Variants in DNAH7 observed in about 807,000 individuals in gnomAD.
DNAH7 encodes dynein axonemal heavy chain 7.
In DNAH7, 397 loss-of-function variants were observed where a neutral mutation model predicts 444.6. The observed-to-expected ratio is 0.89, with a 90% CI of 0.82 to 0.97. DNAH7 has a LOEUF of 0.97. Among genes scored for constraint, DNAH7 ranks in the 50% least tolerant of loss-of-function variants. The pLI is 0.00. For synonymous variants in DNAH7, 1,636 were observed against 1,624.4 expected (o/e 1.01, Z -0.17); for missense variants, 4,902 against 4,800.8 (o/e 1.02, Z -0.62).
chr2:196,016,199 C>G (rs1046655530), intron 9 of DNAH7, among the ~76,000 whole-genome samples: 2 of 152,052 alleles, frequency 1.3e-5, no homozygotes, highest in Non-Finnish European at 2.9e-5. Flanking sequence ...GAGTCCCATC[C>G]TTCAGTGTCC....
At chr2:195,852,376 T>C (rs1219629148) in intron 46 of DNAH7, among the ~76,000 whole-genome samples, 1 of 151,998 alleles carries the variant, frequency 6.6e-6, no homozygotes, top group Non-Finnish European at 1.5e-5. Context: ...CAATGCTCAG[T>C]GAAATTATAA....
intron 12 of DNAH7, chr2:195,994,854 G>T: frequency 4.7e-6 from 2 of 425,206 alleles, no homozygotes; most frequent in South Asian, 4.2e-5. Flanking sequence ...GACTGAGCTT[G>T]GTTGCTTCTT....
At chr2:195,808,983 T>G in intron 52 of DNAH7, 107 bp from the exon 53 acceptor site, 1 of 931,878 alleles carries the variant, frequency 1.1e-6, no homozygotes, top group African/African-American at 1.7e-5. Flanking sequence ...GTTTCAGATG[T>G]GGTCTCTATG....
Position 195,771,362 on chromosome 2 carries a change from GA to G in DNAH7, c.11433+297del, listed in dbSNP as rs563210600. 2.3e-4 allele frequency among the ~76,000 whole-genome samples: 35 copies of G among 151,586 alleles called. No homozygotes were observed. The South Asian group carries it at 6.9e-3, about 30-fold the overall frequency. ...CTCTAAAAAAATAATAATAATAAAT[GA>G]AAAAATGTGCTTTATGAAGGCAAGG... On this transcript the variant is annotated intron_variant, in intron 61 of 64. Transcript: ENST00000312428.
intron 46 of DNAH7, among the ~76,000 whole-genome samples, chr2:195,847,078 C>A (rs974211961): frequency 2.2e-5 from 3 of 135,180 alleles, no homozygotes; most frequent in Admixed American, 7.3e-5. Context: ...ATATATATAT[C>A]TGATATATAT....
intron 19 of DNAH7, among the ~76,000 whole-genome samples, chr2:195,945,146 C>T (rs1689715458): frequency 1.3e-5 from 2 of 152,026 alleles, no homozygotes; most frequent in African/African-American, 4.8e-5. Flanking sequence ...AAGTTCAGTG[C>T]AGAACCCTTC....
At chr2:195,792,822 GGA>G (rs768594954) in intron 57 of DNAH7, among the ~76,000 whole-genome samples, 4 of 150,852 alleles carry the variant, frequency 2.7e-5, no homozygotes, top group East Asian at 3.9e-4. Flanking sequence ...AGGGGAAGGG[GGA>G]GAGAGAGAGA....
chr2:195,746,407 T>C (rs1337497872), intron 63 of DNAH7, among the ~76,000 whole-genome samples: 1 of 152,184 alleles, frequency 6.6e-6, no homozygotes, highest in Non-Finnish European at 1.5e-5. Flanking sequence ...TGAGAGACTT[T>C]AACACCCCAT....
intron 10 of DNAH7, among the ~76,000 whole-genome samples, chr2:196,003,499 C>T (rs1191513470): frequency 2.0e-5 from 3 of 152,040 alleles, no homozygotes; most frequent in Admixed American, 2.0e-4. Flanking sequence ...TCTCAAAGTG[C>T]TTAATAGATC....
chr2:195,884,824 TGA>T lies in DNAH7; in HGVS notation c.5539-17_5539-16del, dbSNP rs1373591029. On this transcript the variant is annotated splice_polypyrimidine_tract_variant and intron_variant, in intron 34 of 64. Transcript: ENST00000312428. ...AGAAAAATGCCCTGCATTGGACAGA[TGA>T]GAAGATTAAGAACAATTAAAGAATA... 2 of 1,590,106 alleles carry T rather than the reference TGA, an allele frequency of 1.3e-6. No homozygotes were observed. The highest frequency in any genetic ancestry group is 2.7e-5 in the African/African-American group (2 of 74,032).
At chr2:196,060,730 T>C (rs776291654) in intron 1 of DNAH7, among the ~76,000 whole-genome samples, 2 of 152,218 alleles carry the variant, frequency 1.3e-5, no homozygotes, top group Non-Finnish European at 2.9e-5. Flanking sequence ...ATTCCTTGCA[T>C]ACCACTCTCA....
intron 1 of DNAH7, among the ~76,000 whole-genome samples, chr2:196,062,295 C>T (rs1052059559): frequency 6.6e-5 from 10 of 152,154 alleles, no homozygotes; most frequent in Non-Finnish European, 1.2e-4. Context: ...ATAGTCACAA[C>T]TACACCCTAT....
At chr2:195,803,952 T>A (rs765289130) in intron 54 of DNAH7, among the ~76,000 whole-genome samples, 1 of 152,198 alleles carries the variant, frequency 6.6e-6, no homozygotes, top group Non-Finnish European at 1.5e-5. Flanking sequence ...TTTTTTCTAC[T>A]GGTGATTTAG....
intron 57 of DNAH7, among the ~76,000 whole-genome samples, chr2:195,792,394 T>TACACAC (rs59046004): frequency 0.088 from 10,260 of 117,104 alleles, 482 homozygotes; most frequent in Admixed American, 0.13. Context: ...AACCAAAAAA[T>TACACAC]ACACACACAC....
At chr2:195,837,325 C>T (rs570180915) in intron 47 of DNAH7, among the ~76,000 whole-genome samples, 119 of 152,320 alleles carry the variant, frequency 7.8e-4, no homozygotes, top group African/African-American at 2.8e-3. Context: ...GAGGAAAGGA[C>T]TTCTGATTCT....
At chr2:196,044,031 C>T (rs546220192) in intron 5 of DNAH7, among the ~76,000 whole-genome samples, 17 of 152,014 alleles carry the variant, frequency 1.1e-4, no homozygotes, top group East Asian at 1.9e-4. Flanking sequence ...AACTATCATT[C>T]GATGAAGCAA....
rs554816228 is a variant in DNAH7, at chr2:195,873,539, TA to T, written c.6413+28del. The T allele has an allele frequency of 9.2e-3, 10,209 of 1,110,536 alleles. 43 individuals carry two copies. Among genetic ancestry groups the T allele is most frequent in the Middle Eastern group, 0.011 (41 of 3,820 alleles). 68.8% of individuals were successfully genotyped at this position (1,110,536 alleles called of 1,614,324 possible). Reference sequence around the variant, plus strand: ...TCTAAAATATTTTATACCTCCTAATTAAAAAAAAAACAAATTTTGATTACTT... The same window carrying T: ...TCTAAAATATTTTATACCTCCTAATTAAAAAAAAACAAATTTTGATTACTT... On this transcript the variant is annotated intron_variant, in intron 39 of 64. Coordinates refer to ENST00000312428, the MANE Select transcript of DNAH7 (RefSeq NM_018897.3).
chr2:195,806,866 G>T, intron 53 of DNAH7, 34 bp from the exon 54 acceptor site: 1 of 1,548,484 alleles, frequency 6.5e-7, no homozygotes, highest in Non-Finnish European at 8.9e-7. Context: ...CAGTTATTTT[G>T]GAGATTATAA....
At position 195,738,970 on chromosome 2, in the gene DNAH7, A is replaced by C. The variant is rs543694382; in HGVS notation, c.11869-843T>G. Reference sequence around the variant, plus strand: ...TGGAATCCAGATTTTCATAAGGGGGATCCACAAGGCAGTTTTGCAAATACT... The same window carrying C: ...TGGAATCCAGATTTTCATAAGGGGGCTCCACAAGGCAGTTTTGCAAATACT... On this transcript the variant is annotated intron_variant, in intron 64 of 64. Transcript: ENST00000312428. 5.3e-5 allele frequency among the ~76,000 whole-genome samples: 8 copies of C among 152,236 alleles called. No homozygotes were observed. The South Asian group carries it at 1.7e-3, about 32-fold the overall frequency.
Sources: gnomAD v4.1 joint callset for allele counts (sites outside exome capture counted in the v4.1 genomes callset) on GRCh38, gnomAD v4.1.1 for gene constraint, MANE v1.5 for transcripts, NCBI Gene and HGNC (gene_info 2026-07-23, HGNC 2026-07-21) for gene names.